Variants in ATXN7L3 observed in about 807,000 individuals in gnomAD.
The protein encoded by ATXN7L3 is ataxin-7-like protein 3.
Under a neutral mutation model 50.0 loss-of-function variants are expected in ATXN7L3, and 6 were observed. The ratio of observed to expected loss-of-function variants is 0.12; its 90% CI spans 0.07 to 0.24. The LOEUF (loss-of-function observed/expected upper bound fraction) is 0.24. Ranked by LOEUF, ATXN7L3 falls within the 10% of genes least tolerant of loss-of-function variation. The pLI is 1.00. For missense variants in ATXN7L3, 322 were observed against 451.3 expected (o/e 0.71, Z 2.60); for synonymous variants, 198 against 165.8 (o/e 1.19, Z -1.49).
At chr17:44,197,521 G>GCA (rs1249446436) in intron 3 of ATXN7L3, 77 bp downstream of exon 3, 1 of 1,605,654 alleles carries the variant, frequency 6.2e-7, no homozygotes, top group African/African-American at 1.3e-5. Flanking sequence ...GCTACATCTA[G>GCA]CACAGTTTCC....
chr17:44,197,728 G>A lies in ATXN7L3; in HGVS notation c.54C>T (p.Ala18=). The A allele has an allele frequency of 3.1e-6, 5 of 1,614,266 alleles. No homozygotes were observed. The highest frequency in any genetic ancestry group is 4.2e-6 in the Non-Finnish European group (5 of 1,180,054). ...GGTCCGCGTATATCTCCTGAGCGAT[G>A]GCCTGGGCCCCAGGGGAGAACATCT... is the stretch of plus-strand genomic sequence containing the variant. The part of the protein sequence containing the change: ...LSGLDNSKLE[A]IAQEIYADLV... Residue 18 remains alanine (A), a splice_region_variant and synonymous_variant, in exon 3 of 13, where the codon GCC becomes GCT. Transcript: ENST00000587097.
At chr17:44,198,733 G>A (rs1368672511) in intron 1 of ATXN7L3, 1 of 150,552 alleles carries the variant, frequency 6.6e-6, no homozygotes, top group Non-Finnish European at 1.5e-5. Context: ...CCATGAGCAG[G>A]AACGGCGGGG....
In ATXN7L3 at chr17:44,192,354, C is replaced by G. The variant is rs2055719169; in HGVS notation, c.*1909G>C. 1 of 152,310 alleles carries G rather than the reference C, an allele frequency of 6.6e-6. No individual in the cohort carries two copies. The highest frequency in any genetic ancestry group is 2.4e-5 in the African/African-American group (1 of 41,452). 9.4% of individuals were successfully genotyped at this position (152,310 alleles called of 1,614,324 possible). A position where few individuals can be genotyped will look rare whatever the true frequency, so the allele number is the denominator to read the frequency against. ...GGAAGTTTATGTGGACAAACCAGTT[C>G]CCAAGCTACTTCCCACTTCTCCCTC... On this transcript the variant is annotated 3_prime_UTR_variant, in exon 13 of 13. Transcript: ENST00000587097.
rs145523584 is a variant in ATXN7L3, at chr17:44,195,960, C to T, written c.523+74G>A. ...TCCCTCAATTCCCCTATCCCCGGGC[C>T]CCACCTCCACCCCCCGGCAATGAGT... On this transcript the variant is annotated intron_variant, in intron 7 of 12. Transcript: ENST00000587097. 4.6e-3 allele frequency: 7,176 copies of T among 1,569,966 alleles called. 38 individuals carry two copies. The highest frequency in any genetic ancestry group is 0.012 in the Middle Eastern group (71 of 5,730).
Position 44,197,620 on chromosome 17 carries a change from G to A in ATXN7L3, c.162C>T (p.Asp54=). ...KCGYFFLDDT[D]PDSMKDFEIV... ...CACCAAAATCCTTCATGCTATCAGG[G>A]TCCGTGTCGTCCAAGAAGAAGTAGC... Residue 54 remains aspartate (D), a synonymous_variant, in exon 3 of 13, where the codon GAC becomes GAT. Transcript: ENST00000587097. The A allele has an allele frequency of 1.2e-6, 2 of 1,614,224 alleles. No homozygotes were observed. The highest frequency in any genetic ancestry group is 1.7e-6 in the Non-Finnish European group (2 of 1,180,044).
At chr17:44,194,746 C>T in intron 11 of ATXN7L3, 22 bp downstream of exon 11, 1 of 1,614,032 alleles carries the variant, frequency 6.2e-7, no homozygotes, top group Non-Finnish European at 8.5e-7. Context: ...CAACCCCCCA[C>T]CCTTCCTGTA....
Position 44,195,487 on chromosome 17 carries a change from A to G in ATXN7L3, c.553T>C (p.Tyr185His), listed in dbSNP as rs2055849774. 1 of 1,613,692 alleles carries G rather than the reference A, an allele frequency of 6.2e-7. No homozygotes were observed. The highest frequency in any genetic ancestry group is 2.2e-5 in the East Asian group (1 of 44,874). Residue 185 changes from tyrosine to histidine, a missense_variant and splice_region_variant, in exon 9 of 13, where the codon TAT becomes CAT. Coordinates refer to ENST00000587097, the MANE Select transcript of ATXN7L3 (RefSeq NM_001382309.1). Reference sequence around the variant, plus strand: ...TAGCTGATCCCAGTTGAATTGTTATACTGCAGGACAACCAGAGGTACAGGT... The same window carrying G: ...TAGCTGATCCCAGTTGAATTGTTATGCTGCAGGACAACCAGAGGTACAGGT... ...GELSNSDPFK[Y>H]NNSTGISYET...
chr17:44,195,693 C>T (rs2055860872), intron 8 of ATXN7L3, 107 bp downstream of exon 8: 1 of 1,307,478 alleles, frequency 7.6e-7, no homozygotes, highest in Admixed American at 1.8e-5. Flanking sequence ...ATCCAAATAG[C>T]TCATCAGTGC....
Position 44,196,060 on chromosome 17 carries a change from C to A in ATXN7L3, c.497G>T (p.Arg166Ile). 1.2e-6 allele frequency: 2 copies of A among 1,613,254 alleles called. No homozygotes were observed. Among genetic ancestry groups the A allele is most frequent in the East Asian group, 2.2e-5 (1 of 44,868 alleles). Residue 166 changes from arginine (R) to isoleucine (I), a missense_variant, in exon 7 of 13, where the codon AGA becomes ATA. Arg to Ile is a moderately conservative substitution (Grantham distance 97). This residue lies in a region of ATXN7L3 where 95 missense variants were observed against 98.1 expected (regional missense o/e 0.97). Transcript: ENST00000587097. Reference sequence around the variant, plus strand: ...ATTTTTGTGTTTTAATGACTTGGATCTTCGAGGGGAATTGGGGTTCTGGAA... The same window carrying A: ...ATTTTTGTGTTTTAATGACTTGGATATTCGAGGGGAATTGGGGTTCTGGAA... The part of the protein sequence containing the change: ...KSDKNPNSPR[R>I]SKSLKHKNGE...
intron 7 of ATXN7L3, 83 bp from the exon 8 acceptor site, chr17:44,195,911 G>A: frequency 1.9e-6 from 3 of 1,569,856 alleles, no homozygotes; most frequent in South Asian, 1.2e-5. Context: ...GAGGAAGTGG[G>A]GGTGACAGAA....
chr17:44,194,005 G>C lies in ATXN7L3; in HGVS notation c.*258C>G, dbSNP rs2055789740. On this transcript the variant is annotated 3_prime_UTR_variant, in exon 13 of 13. Transcript: ENST00000587097. Reference sequence around the variant, plus strand: ...CATCCAGTAACTCACAGAATAAATAGGAAAACCGCCTCCCCACCAAACTTA... The same window carrying C: ...CATCCAGTAACTCACAGAATAAATACGAAAACCGCCTCCCCACCAAACTTA... 3 of 479,454 alleles carry C rather than the reference G, an allele frequency of 6.3e-6. No individual in the cohort carries two copies. The highest frequency in any genetic ancestry group is 5.9e-5 in the African/African-American group (3 of 50,962). The allele number at this position is 479,454 out of a possible 1,614,324, so 29.7% of individuals were successfully genotyped here.
intron 6 of ATXN7L3, 138 bp downstream of exon 6, chr17:44,196,258 C>G (rs1314952863): frequency 8.6e-6 from 9 of 1,050,384 alleles, no homozygotes; most frequent in East Asian, 7.3e-5. Context: ...CACACTCCCC[C>G]GCCCCGGACC....
intron 3 of ATXN7L3, 45 bp downstream of exon 3, chr17:44,197,553 T>C (rs755874040): frequency 6.2e-7 from 1 of 1,613,298 alleles, no homozygotes; most frequent in Admixed American, 1.7e-5. Flanking sequence ...CTCCAGGCAG[T>C]CCCAGGGAAG....
chr17:44,199,654 C>G lies in ATXN7L3; in HGVS notation c.-219G>C, dbSNP rs989365372. 4 of 144,644 alleles carry G rather than the reference C, an allele frequency of 2.8e-5. No homozygotes were observed. Among genetic ancestry groups the G allele is most frequent in the East Asian group, 2.1e-4 (1 of 4,760 alleles). The allele number at this position is 144,644 out of a possible 1,614,324, so 9.0% of individuals were successfully genotyped here. ...GGGCCGGGGGGTCGGGCCGCCCCCC[C>G]GCCTGGCCGCCTCACCGGGCGGCCA... On this transcript the variant is annotated 5_prime_UTR_variant, in exon 1 of 13. Coordinates refer to ENST00000587097, the MANE Select transcript of ATXN7L3 (RefSeq NM_001382309.1).
intron 9 of ATXN7L3, 139 bp from the exon 10 acceptor site, chr17:44,195,279 T>C (rs1034721666): frequency 5.2e-6 from 7 of 1,344,432 alleles, no homozygotes; most frequent in African/African-American, 1.4e-5. Context: ...CAGGACACTA[T>C]GGGCCGGGAA....
rs537868466 is a variant in ATXN7L3, at chr17:44,192,499, C to T, written c.*1764G>A. 6.6e-6 allele frequency: 1 copy of T among 152,254 alleles called. No individual in the cohort carries two copies. The highest frequency in any genetic ancestry group is 1.5e-5 in the Non-Finnish European group (1 of 68,076). The allele number at this position is 152,254 out of a possible 1,614,324, so 9.4% of individuals were successfully genotyped here. ...CAGCCTTCCTCCCTTCACCTTCAGC[C>T]CACTCCCCAGACTGCATCTGGAAGC... is the stretch of plus-strand genomic sequence containing the variant. On this transcript the variant is annotated 3_prime_UTR_variant, in exon 13 of 13. Transcript: ENST00000587097.
At position 44,195,077 on chromosome 17, in the gene ATXN7L3, T is replaced by C. The variant is rs368425534; in HGVS notation, c.665+20A>G. The C allele has an allele frequency of 6.3e-5, 102 of 1,613,736 alleles. No homozygotes were observed. The highest frequency in any genetic ancestry group is 8.4e-5 in the Non-Finnish European group (99 of 1,179,756). ...AGTGTGCAGGAAGCGCCTGGCCCCC[T>C]TTCTAGGTTCTGTGCTCACCTTGTG... On this transcript the variant is annotated intron_variant, in intron 10 of 12. Transcript: ENST00000587097.
In ATXN7L3 at chr17:44,194,543, G is replaced by A. The variant is rs55884059; in HGVS notation, c.869C>T (p.Thr290Met). ...LSPSDSGSSK[T>M]SENQGWGLGT... ...TAGACCCCATCCCTGATTTTCACTC[G>A]TCTTGGAGGAGCCTGAATCAGAGGG... is the stretch of plus-strand genomic sequence containing the variant. Residue 290 changes from threonine to methionine, a missense_variant, in exon 12 of 13, where the codon ACG becomes ATG. By Grantham distance (81) the Thr-to-Met change is moderately conservative. This residue lies in a region of ATXN7L3 where 122 missense variants were observed against 130.8 expected (regional missense o/e 0.93). Coordinates refer to ENST00000587097, the MANE Select transcript of ATXN7L3 (RefSeq NM_001382309.1). The A allele has an allele frequency of 6.2e-6, 10 of 1,613,690 alleles. No homozygotes were observed. The highest frequency in any genetic ancestry group is 1.1e-5 in the South Asian group (1 of 91,070).
rs2055825153 is a variant in ATXN7L3 at position 44,194,858 on chromosome 17, A to G, written c.666-19T>C. 6 of 1,613,852 alleles carry G rather than the reference A, an allele frequency of 3.7e-6. No individual in the cohort carries two copies. The highest frequency in any genetic ancestry group is 5.1e-6 in the Non-Finnish European group (6 of 1,179,818). Reference sequence around the variant, plus strand: ...CAGGGACCTGGTGGTGAGGCAAGGCAGGGAGGGTTCTGAGGAACTCAGGTA... The same window carrying G: ...CAGGGACCTGGTGGTGAGGCAAGGCGGGGAGGGTTCTGAGGAACTCAGGTA... On this transcript the variant is annotated intron_variant, in intron 10 of 12. Transcript: ENST00000587097.
Sources: gnomAD v4.1 joint callset for allele counts on GRCh38, gnomAD v4.1.1 for gene constraint, gnomAD v4.1.1 regional missense constraint, MANE v1.5 for transcripts, NCBI Gene and HGNC (gene_info 2026-07-23, HGNC 2026-07-21) for gene names.